Variants in SOX5 observed in about 807,000 individuals in gnomAD.
SOX5 encodes the protein transcription factor SOX-5.
SOX5 carries 9 observed loss-of-function variants against 92.0 expected under a neutral mutation model. The observed-to-expected ratio is 0.10, with a 90% CI of 0.06 to 0.17. SOX5 has a LOEUF of 0.17. Among genes scored for constraint, SOX5 ranks in the 10% least tolerant of loss-of-function variants. SOX5 has a pLI of 1.00. For synonymous variants in SOX5, 344 were observed against 336.3 expected (o/e 1.02, Z -0.25); for missense variants, 642 against 944.5 (o/e 0.68, Z 4.20).
intron 9 of SOX5, among the ~76,000 whole-genome samples, chr12:23,598,090 A>C (rs2137311784): frequency 6.6e-6 from 1 of 152,288 alleles, no homozygotes; most frequent in African/African-American, 2.4e-5. Context: ...TACTACATTC[A>C]CAGACCAGTT....
intron 2 of SOX5, among the ~76,000 whole-genome samples, chr12:24,303,355 A>C (rs1049122014): frequency 2.0e-5 from 3 of 152,220 alleles, no homozygotes; most frequent in Admixed American, 6.5e-5. Context: ...GACGTTAGAC[A>C]TCATGTTCAT....
chr12:23,870,943 A>T (rs1358903969), intron 2 of SOX5, among the ~76,000 whole-genome samples: 2 of 152,134 alleles, frequency 1.3e-5, no homozygotes, highest in African/African-American at 2.4e-5. Flanking sequence ...AATTATAGGG[A>T]TCATATGAAA....
At chr12:23,571,935 A>G (rs1401601381) in intron 10 of SOX5, among the ~76,000 whole-genome samples, 1 of 152,194 alleles carries the variant, frequency 6.6e-6, no homozygotes, top group African/African-American at 2.4e-5. Context: ...TGCTTTGAAA[A>G]AAAAGTTAAA....
chr12:23,593,084 T>A (rs112454809), intron 9 of SOX5, among the ~76,000 whole-genome samples: 2,958 of 25,364 alleles, frequency 0.12, 104 homozygotes, highest in African/African-American at 0.18. Context: ...GTCTCAAAAA[T>A]AAATAAATAA....
intron 4 of SOX5, among the ~76,000 whole-genome samples, chr12:24,021,883 G>A (rs17481439): frequency 0.13 from 19,885 of 152,206 alleles, 1,780 homozygotes; most frequent in Non-Finnish European, 0.2. Flanking sequence ...GTCATTTGGG[G>A]AATTCATTTA....
chr12:23,735,353 T>C (rs2093550671), intron 5 of SOX5, among the ~76,000 whole-genome samples: 1 of 152,144 alleles, frequency 6.6e-6, no homozygotes, highest in Non-Finnish European at 1.5e-5. Flanking sequence ...AATTCTGAAG[T>C]GTTTTTCAGT....
chr12:23,805,408 T>TA (rs531800235), intron 3 of SOX5, among the ~76,000 whole-genome samples: 271 of 151,958 alleles, frequency 1.8e-3, no homozygotes, highest in South Asian at 3.5e-3. Context: ...CTAAAAGAGA[T>TA]AAAACATGTA....
At chr12:23,946,241 A>T (rs1944572344) in intron 1 of SOX5, among the ~76,000 whole-genome samples, 1 of 152,068 alleles carries the variant, frequency 6.6e-6, no homozygotes, top group South Asian at 2.1e-4. Context: ...CTAACAACCT[A>T]ATTTGCATAA....
At chr12:23,863,804 AC>A (rs2096782172) in intron 2 of SOX5, among the ~76,000 whole-genome samples, 1 of 27,290 alleles carries the variant, frequency 3.7e-5, no homozygotes, top group Admixed American at 2.9e-4. Flanking sequence ...ACACACACAC[AC>A]ACACACACAC....
intron 4 of SOX5, among the ~76,000 whole-genome samples, chr12:24,069,267 A>G (rs1592859856): frequency 6.6e-6 from 1 of 152,278 alleles, no homozygotes; most frequent in Admixed American, 6.5e-5. Flanking sequence ...TAGAAGCTCT[A>G]CCTCAGAAAT....
intron 6 of SOX5, among the ~76,000 whole-genome samples, chr12:23,704,687 C>CATGTATAT (rs2091125061): frequency 1.1e-5 from 1 of 90,110 alleles, no homozygotes; most frequent in African/African-American, 3.9e-5. Context: ...TATATGCATG[C>CATGTATAT]ATATATATAT....
intron 6 of SOX5, among the ~76,000 whole-genome samples, chr12:23,726,718 G>C (rs1379839437): frequency 2.0e-5 from 3 of 152,128 alleles, no homozygotes; most frequent in Non-Finnish European, 4.4e-5. Context: ...TGTTTGGGAA[G>C]AGGTTGAAAA....
At chr12:23,808,474 T>A (rs2095819893) in intron 3 of SOX5, among the ~76,000 whole-genome samples, 2 of 152,150 alleles carry the variant, frequency 1.3e-5, no homozygotes, top group Non-Finnish European at 2.9e-5. Flanking sequence ...TAGTAATTAA[T>A]CAAATATTAA....
At chr12:23,898,898 G>A (rs1030695587) in intron 1 of SOX5, among the ~76,000 whole-genome samples, 6 of 152,046 alleles carry the variant, frequency 3.9e-5, no homozygotes, top group Non-Finnish European at 5.9e-5. Flanking sequence ...AAGCAACCAC[G>A]GTTATACTTC....
At chr12:23,880,885 T>A (rs890124604) in intron 2 of SOX5, among the ~76,000 whole-genome samples, 1 of 152,268 alleles carries the variant, frequency 6.6e-6, no homozygotes, top group African/African-American at 2.4e-5. Context: ...TTCTTAATTC[T>A]GATATATAAA....
chr12:24,483,926 T>C (rs1946256600), intron 1 of SOX5, among the ~76,000 whole-genome samples: 1 of 152,234 alleles, frequency 6.6e-6, no homozygotes. Flanking sequence ...TAAGAAAATG[T>C]GCTGAATCAG....
intron 4 of SOX5, among the ~76,000 whole-genome samples, chr12:24,057,621 T>A (rs1268087291): frequency 1.3e-5 from 2 of 152,194 alleles, no homozygotes; most frequent in African/African-American, 2.4e-5. Context: ...ATAAGTGGCA[T>A]CCAAATGACT....
At chr12:23,737,334 T>C (rs1567345702) in intron 5 of SOX5, among the ~76,000 whole-genome samples, 1 of 151,786 alleles carries the variant, frequency 6.6e-6, no homozygotes, top group Non-Finnish European at 1.5e-5. Context: ...AGGTCAGGAG[T>C]TCGAGACCAG....
chr12:23,552,314 T>TA, intron 11 of SOX5, among the ~76,000 whole-genome samples: 1 of 152,008 alleles, frequency 6.6e-6, no homozygotes, highest in Non-Finnish European at 1.5e-5. Flanking sequence ...ATGGATTCAC[T>TA]AAACTAATGT....
Sources: allele counts gnomAD v4.1 joint callset (sites outside exome capture counted in the v4.1 genomes callset), GRCh38; gene constraint gnomAD v4.1.1; transcripts MANE v1.5; gene names NCBI Gene and HGNC (gene_info 2026-07-23, HGNC 2026-07-21).